The following PRPH2 variants were observed in gnomAD, a reference collection of about 807,000 sequenced individuals.
PRPH2 encodes peripherin-2.
A neutral mutation model predicts 31.3 loss-of-function variants in PRPH2; 17 were observed. The observed-to-expected ratio is 0.54, with a 90% CI of 0.37 to 0.81. PRPH2 has a LOEUF of 0.81. PRPH2 is among the 40% of genes least tolerant of loss of function. PRPH2 has a pLI of 0.00. For missense variants in PRPH2, 430 were observed against 439.7 expected (o/e 0.98, Z 0.20); for synonymous variants, 165 against 184.4 (o/e 0.89, Z 0.85).
intron 2 of PRPH2, among the ~76,000 whole-genome samples, chr6:42,700,642 G>A (rs565483347): frequency 6.6e-6 from 1 of 152,244 alleles, no homozygotes; most frequent in Non-Finnish European, 1.5e-5. Context: ...TGATGTGAAC[G>A]CGTCCACTCT....
rs61755793 is a variant in PRPH2 at position 42,721,820 on chromosome 6, C to T, written c.515G>A (p.Arg172Gln). ...EFKCCGNNGF[R>Q]DWFEIQWISN... ...GATCCACTGAATCTCAAACCAGTCC[C>T]GAAAACCGTTGTTGCCGCAGCATTT... The change falls in exon 1 of 3, where the codon CGG (arginine) becomes CAG (glutamine). Residue 172 changes from arginine (R) to glutamine (Q), a missense_variant. Arg to Gln is a conservative substitution (Grantham distance 43). Transcript: ENST00000230381. 9 of 1,614,160 alleles carry T rather than the reference C, an allele frequency of 5.6e-6. No homozygotes were observed. The highest frequency in any genetic ancestry group is 1.3e-5 in the African/African-American group (1 of 75,028).
intron 1 of PRPH2, among the ~76,000 whole-genome samples, chr6:42,719,289 G>A (rs911048247): frequency 6.6e-6 from 1 of 151,114 alleles, no homozygotes; most frequent in Non-Finnish European, 1.5e-5. Flanking sequence ...CAATTCTCCT[G>A]CCTCAGCCTC....
intron 1 of PRPH2, among the ~76,000 whole-genome samples, chr6:42,709,352 A>C (rs1800233738): frequency 6.6e-6 from 1 of 150,956 alleles, no homozygotes; most frequent in Non-Finnish European, 1.5e-5. Context: ...AAAAAAAAAA[A>C]AAACTTGGGT....
At chr6:42,714,228 G>A (rs113840944) in intron 1 of PRPH2, among the ~76,000 whole-genome samples, 71 of 152,146 alleles carry the variant, frequency 4.7e-4, no homozygotes, top group Non-Finnish European at 6.9e-4. Context: ...TATGCTAAGT[G>A]AAAGAAGGCA....
chr6:42,707,196 G>A (rs769124205), intron 1 of PRPH2, among the ~76,000 whole-genome samples: 20 of 152,052 alleles, frequency 1.3e-4, no homozygotes, highest in Admixed American at 5.2e-4. Context: ...CACTGCGCTC[G>A]GCTGAGATAT....
intron 1 of PRPH2, among the ~76,000 whole-genome samples, chr6:42,716,392 T>G (rs2152008992): frequency 9.6e-6 from 1 of 104,334 alleles, no homozygotes; most frequent in East Asian, 2.7e-4. Context: ...AGACCCTATC[T>G]CTATTTTTTT....
chr6:42,719,293 C>T (rs146670701), intron 1 of PRPH2, among the ~76,000 whole-genome samples: 3 of 152,092 alleles, frequency 2.0e-5, no homozygotes, highest in Non-Finnish European at 4.4e-5. Context: ...TCTCCTGCCT[C>T]AGCCTCCCGA....
intron 1 of PRPH2, among the ~76,000 whole-genome samples, chr6:42,705,706 CAG>C (rs1478996648): frequency 2.0e-5 from 3 of 147,490 alleles, no homozygotes; most frequent in Non-Finnish European, 4.5e-5. Flanking sequence ...CCTGTAATCC[CAG>C]CACTTTGGGA....
Position 42,697,810 on chromosome 6 carries a change from TAAAAA to T in PRPH2, c.*480_*484del, listed in dbSNP as rs55851577. The stretch of plus-strand genomic sequence containing the variant: ...ACGGCCAACCTGTCAATCTTGGCAT[TAAAAA>T]AAAAAAAAAAAGACAACATGGCCAT... On this transcript the variant is annotated 3_prime_UTR_variant, in exon 3 of 3. Transcript: ENST00000230381. The T allele has an allele frequency of 1.4e-5, 2 of 142,910 alleles. No homozygotes were observed. Among genetic ancestry groups the T allele is most frequent in the Admixed American group, 6.9e-5 (1 of 14,468 alleles). The allele number at this position is 142,910 out of a possible 1,614,324, so 8.9% of individuals were successfully genotyped here.
Position 42,697,828 on chromosome 6 carries a change from A to T in PRPH2, c.*467T>A, listed in dbSNP as rs1356631924. The T allele has an allele frequency of 6.5e-6, 1 of 153,126 alleles. No individual in the cohort carries two copies. The highest frequency in any genetic ancestry group is 1.4e-5 in the Non-Finnish European group (1 of 69,448). 9.5% of individuals were successfully genotyped at this position (153,126 alleles called of 1,614,324 possible). ...TTGGCATTAAAAAAAAAAAAAAAAG[A>T]CAACATGGCCATTTTTCAGATTTCT... On this transcript the variant is annotated 3_prime_UTR_variant, in exon 3 of 3. Transcript: ENST00000230381.
chr6:42,706,353 C>T (rs567359673), intron 1 of PRPH2, among the ~76,000 whole-genome samples: 47 of 151,428 alleles, frequency 3.1e-4, no homozygotes, highest in Non-Finnish European at 5.7e-4. Context: ...TGCAGTGAGC[C>T]GAGATCACGC....
chr6:42,708,082 A>C (rs1800202550), intron 1 of PRPH2, among the ~76,000 whole-genome samples: 1 of 152,220 alleles, frequency 6.6e-6, no homozygotes, highest in African/African-American at 2.4e-5. Flanking sequence ...CTCACTGGGC[A>C]GGTGGCCGAG....
At chr6:42,699,917 G>T (rs1562421006) in intron 2 of PRPH2, among the ~76,000 whole-genome samples, 1 of 151,060 alleles carries the variant, frequency 6.6e-6, no homozygotes, top group East Asian at 1.9e-4. Flanking sequence ...ACCAACAGAA[G>T]AGCAGAAGAG....
At position 42,698,450 on chromosome 6, in the gene PRPH2, G is replaced by A; in HGVS notation, c.886C>T (p.Pro296Ser). The A allele has an allele frequency of 6.2e-7, 1 of 1,614,158 alleles. No individual in the cohort carries two copies. Among genetic ancestry groups the A allele is most frequent in the Non-Finnish European group, 8.5e-7 (1 of 1,180,014 alleles). ...TGGCTCTCGCTCTCAGATTCCTCGG[G>A]GTTGGACACACCATCCAGCGACGTC... The part of the protein sequence containing the change: ...LQTSLDGVSN[P>S]EESESESQGW... The change falls in exon 3 of 3, where the codon CCC (proline) becomes TCC (serine). Residue 296 changes from proline to serine, a missense_variant. Pro to Ser is a moderately conservative substitution (Grantham distance 74). Transcript: ENST00000230381.
intron 1 of PRPH2, among the ~76,000 whole-genome samples, chr6:42,717,631 A>C (rs1009829392): frequency 6.6e-6 from 1 of 152,306 alleles, no homozygotes; most frequent in Middle Eastern, 3.4e-3. Flanking sequence ...AAACTCACTA[A>C]ACCCTCCAAA....
intron 1 of PRPH2, among the ~76,000 whole-genome samples, chr6:42,713,678 TG>T (rs368603701): frequency 1.2e-3 from 179 of 151,894 alleles, no homozygotes; most frequent in African/African-American, 4.1e-3. Flanking sequence ...CTCAGCACTC[TG>T]GGAGGCCGAG....
At chr6:42,704,308 C>T (rs1800106654) in intron 2 of PRPH2, 57 bp downstream of exon 2, 7 of 1,576,810 alleles carry the variant, frequency 4.4e-6, no homozygotes, top group Non-Finnish European at 5.2e-6. Flanking sequence ...CCCCATTAGA[C>T]CCAAATGGGA....
At chr6:42,717,232 G>A (rs1761806002) in intron 1 of PRPH2, among the ~76,000 whole-genome samples, 1 of 151,358 alleles carries the variant, frequency 6.6e-6, no homozygotes, top group Non-Finnish European at 1.5e-5. Flanking sequence ...GGCCAACATG[G>A]TGAAACTCAG....
chr6:42,710,678 TGA>T (rs1460832909), intron 1 of PRPH2, among the ~76,000 whole-genome samples: 1 of 152,090 alleles, frequency 6.6e-6, no homozygotes, highest in Non-Finnish European at 1.5e-5. Flanking sequence ...GAAAGGGTCT[TGA>T]TTAAGATAAG....
Sources: allele counts gnomAD v4.1 joint callset (sites outside exome capture counted in the v4.1 genomes callset), GRCh38; gene constraint gnomAD v4.1.1; transcripts MANE v1.5; gene names NCBI Gene and HGNC (gene_info 2026-07-23, HGNC 2026-07-21).